The following CAST variants were observed in gnomAD, a reference collection of about 807,000 sequenced individuals.
The protein encoded by CAST is MIR583 host.
CAST carries 76 observed loss-of-function variants against 119.6 expected under a neutral mutation model. That is an observed-to-expected ratio of 0.64 (90% CI 0.53 to 0.77). The LOEUF is 0.77. Ranked by LOEUF, CAST falls within the 30% of genes least tolerant of loss-of-function variation. The pLI is 0.00. For missense variants in CAST, 953 were observed against 946.5 expected, an observed-to-expected ratio of 1.01 and a Z score of -0.09; for synonymous variants, 319 against 331.6, an observed-to-expected ratio of 0.96 and a Z score of 0.41.
the CAST span, among the ~76,000 whole-genome samples, chr5:96,429,476 A>G: frequency 2.0e-5 from 3 of 152,274 alleles, no homozygotes; most frequent in East Asian, 5.8e-4. Context: ...TTTTAAGTTC[A>G]GCAGTACAAG....
chr5:96,403,605 A>G, the CAST span, among the ~76,000 whole-genome samples: 4 of 152,224 alleles, frequency 2.6e-5, no homozygotes, highest in Admixed American at 2.6e-4. Flanking sequence ...TGAGTGGCTA[A>G]TCAAAGATAT....
chr5:96,105,494 A>T, the CAST span, among the ~76,000 whole-genome samples: 1 of 152,168 alleles, frequency 6.6e-6, no homozygotes, highest in Non-Finnish European at 1.5e-5. Context: ...TGAGATAATC[A>T]TGCGGTTTTT....
the CAST span, among the ~76,000 whole-genome samples, chr5:95,985,734 G>A: frequency 6.6e-6 from 1 of 152,174 alleles, no homozygotes; most frequent in Non-Finnish European, 1.5e-5. Flanking sequence ...GTAGATAGGA[G>A]TTAGGGGACT....
the CAST span, among the ~76,000 whole-genome samples, chr5:96,147,376 G>T: frequency 0.016 from 2,426 of 152,176 alleles, 52 homozygotes; most frequent in African/African-American, 0.055. Flanking sequence ...AGGCCGAGGC[G>T]GGCGGATCAC....
chr5:96,188,482 G>T, the CAST span, among the ~76,000 whole-genome samples: 1 of 151,876 alleles, frequency 6.6e-6, no homozygotes. Flanking sequence ...TTGATATTAT[G>T]TTATTAATTT....
the CAST span, among the ~76,000 whole-genome samples, chr5:95,979,312 A>G: frequency 6.6e-6 from 1 of 152,182 alleles, no homozygotes; most frequent in African/African-American, 2.4e-5. Context: ...AAAAATTTGC[A>G]TTTATCCTAT....
intron 1 of CAST, among the ~76,000 whole-genome samples, chr5:96,630,483 A>G (rs994316222): frequency 2.6e-5 from 4 of 152,204 alleles, no homozygotes; most frequent in African/African-American, 4.8e-5. Flanking sequence ...AAACAAGTGA[A>G]TAAAGTATCA....
the CAST span, among the ~76,000 whole-genome samples, chr5:96,270,384 C>T: frequency 6.6e-6 from 1 of 152,028 alleles, no homozygotes; most frequent in South Asian, 2.1e-4. Context: ...ACTGGAAGTC[C>T]TGGCCACAGC....
chr5:96,521,104 T>C (rs1196648238), upstream of CAST, among the ~76,000 whole-genome samples: 2 of 152,144 alleles, frequency 1.3e-5, no homozygotes, highest in Non-Finnish European at 2.9e-5. Flanking sequence ...CCCCAGCATG[T>C]TATGTTTGCC....
At chr5:96,691,476 A>G (rs888322243) in intron 2 of CAST, among the ~76,000 whole-genome samples, 1 of 152,242 alleles carries the variant, frequency 6.6e-6, no homozygotes, top group Non-Finnish European at 1.5e-5. Flanking sequence ...AATAAAACTC[A>G]TAGAAAATTT....
At chr5:96,734,241 C>T (rs1761186231) in intron 9 of CAST, among the ~76,000 whole-genome samples, 1 of 152,212 alleles carries the variant, frequency 6.6e-6, no homozygotes, top group Admixed American at 6.5e-5. Context: ...AGGTTGAGCA[C>T]TGCTGTGGAG....
chr5:96,317,561 T>C, the CAST span, among the ~76,000 whole-genome samples: 2 of 151,822 alleles, frequency 1.3e-5, no homozygotes, highest in Admixed American at 6.6e-5. Flanking sequence ...TTGTTCTGTA[T>C]ATACTTGAAA....
At chr5:96,602,698 C>G (rs1747177221) in intron 1 of CAST, among the ~76,000 whole-genome samples, 1 of 152,074 alleles carries the variant, frequency 6.6e-6, no homozygotes, top group Admixed American at 6.6e-5. Flanking sequence ...TGTAGTGAGC[C>G]AAATCACGCC....
the CAST span, chr5:96,050,276 T>C: frequency 6.6e-6 from 1 of 152,008 alleles, no homozygotes; most frequent in Non-Finnish European, 1.5e-5. Context: ...AAGAGAGACA[T>C]AGGAATGGTG....
At chr5:95,975,206 A>G in the CAST span, among the ~76,000 whole-genome samples, 1 of 152,224 alleles carries the variant, frequency 6.6e-6, no homozygotes, top group African/African-American at 2.4e-5. Flanking sequence ...GGTTTCCTAT[A>G]GCCAATTAGG....
chr5:96,570,999 C>G (rs1219923787), intron 1 of CAST, among the ~76,000 whole-genome samples: 1 of 152,180 alleles, frequency 6.6e-6, no homozygotes, highest in Non-Finnish European at 1.5e-5. Context: ...TGATATTACA[C>G]AAGGTGGAAA....
the CAST span, among the ~76,000 whole-genome samples, chr5:96,197,912 C>T: frequency 6.6e-6 from 1 of 152,150 alleles, no homozygotes. Flanking sequence ...GTGTGCACCA[C>T]CACACTTGGC....
At chr5:96,217,431 A>C in the CAST span, among the ~76,000 whole-genome samples, 1 of 151,948 alleles carries the variant, frequency 6.6e-6, no homozygotes, top group Admixed American at 6.6e-5. Context: ...TTGGTAGTGC[A>C]TGGTGTTGAA....
chr5:96,170,773 A>G, the CAST span, among the ~76,000 whole-genome samples: 1 of 152,324 alleles, frequency 6.6e-6, no homozygotes, highest in East Asian at 1.9e-4. Flanking sequence ...GAAAAGGAGC[A>G]TTAACCTTGA....
Sources: gnomAD v4.1 joint callset for allele counts (sites outside exome capture counted in the v4.1 genomes callset) on GRCh38, gnomAD v4.1.1 for gene constraint, MANE v1.5 for transcripts, NCBI Gene and HGNC (gene_info 2026-07-23, HGNC 2026-07-21) for gene names.